Variants in DAO observed in about 807,000 individuals in gnomAD.
The protein encoded by DAO is D-amino acid oxidase.
In DAO, 51 loss-of-function variants were observed where a neutral mutation model predicts 50.1. The observed-to-expected ratio is 1.02, with a 90% CI of 0.81 to 1.29. The LOEUF (loss-of-function observed/expected upper bound fraction) is 1.29. Among genes scored for constraint, DAO ranks in the 50% most tolerant of loss-of-function variants. DAO has a pLI of 0.00. For synonymous variants in DAO, 160 were observed against 166.2 expected (o/e 0.96, Z 0.29); for missense variants, 436 against 439.4 (o/e 0.99, Z 0.07).
chr12:108,889,278 GTAT>G (rs541521326), intron 3 of DAO, among the ~76,000 whole-genome samples, 188 bp from the exon 4 acceptor site: 148 of 152,056 alleles, frequency 9.7e-4, no homozygotes, highest in African/African-American at 3.4e-3. Flanking sequence ...GCTAATTTTT[GTAT>G]TATTATTTAG....
At chr12:108,888,320 C>T (rs1465190950) in intron 3 of DAO, among the ~76,000 whole-genome samples, 1 of 150,892 alleles carries the variant, frequency 6.6e-6, no homozygotes, top group Non-Finnish European at 1.5e-5. Context: ...TTATCTGTTA[C>T]CTTTCATGGG....
chr12:108,899,731 G>A lies in DAO; in HGVS notation c.912+256G>A, dbSNP rs1367495235. Reference sequence around the variant, plus strand: ...GCTGATGAGATCAATGTTGATAATGGTGTGACTGGGAGTGGGGATGGTAGC... The same window carrying A: ...GCTGATGAGATCAATGTTGATAATGATGTGACTGGGAGTGGGGATGGTAGC... On this transcript the variant is annotated intron_variant, in intron 10 of 10. Coordinates refer to ENST00000228476, the MANE Select transcript of DAO (RefSeq NM_001917.5). 2.1e-5 allele frequency: 11 copies of A among 526,696 alleles called. No homozygotes were observed. In the East Asian group the frequency reaches 3.4e-4, roughly 16 times the overall value. The allele number at this position is 526,696 out of a possible 1,614,324, so 32.6% of individuals were successfully genotyped here.
At chr12:108,894,528 C>T (rs187271060) in intron 7 of DAO, among the ~76,000 whole-genome samples, 161 bp downstream of exon 7, 5 of 152,290 alleles carry the variant, frequency 3.3e-5, no homozygotes, top group Non-Finnish European at 5.9e-5. Flanking sequence ...GTCCCACCCC[C>T]ATTGCTCTCT....
chr12:108,892,004 C>T (rs535267291), intron 5 of DAO, among the ~76,000 whole-genome samples: 3 of 152,184 alleles, frequency 2.0e-5, no homozygotes, highest in African/African-American at 7.2e-5. Flanking sequence ...GGACACATGA[C>T]CCTTGTCCAG....
At chr12:108,883,335 A>G (rs997507631) in intron 1 of DAO, among the ~76,000 whole-genome samples, 16 of 152,096 alleles carry the variant, frequency 1.1e-4, no homozygotes, top group Non-Finnish European at 2.9e-5. Flanking sequence ...TTCAGTAGAG[A>G]TGGGGTTTCA....
chr12:108,890,216 G>T lies in DAO; in HGVS notation c.395G>T (p.Trp132Leu). 1 of 1,612,718 alleles carries T rather than the reference G, an allele frequency of 6.2e-7. No individual in the cohort carries two copies. The highest frequency in any genetic ancestry group is 8.5e-7 in the Non-Finnish European group (1 of 1,178,770). The change falls in exon 5 of 11, where the codon TGG becomes TTG. Residue 132 changes from tryptophan to leucine, a missense_variant. Physicochemically the swap from Trp to Leu is moderately conservative, Grantham distance 61. Transcript: ENST00000228476. ...GCTTACTGTGACTCTAGCTATGGCTGGTTCCACACAAGCCTAATTCTGGAG... is the reference window on the plus strand; with the variant it reads ...GCTTACTGTGACTCTAGCTATGGCTTGTTCCACACAAGCCTAATTCTGGAG... ...LDMFPDYGYGWFHTSLILEGK... is the reference protein window; with the variant it reads ...LDMFPDYGYGLFHTSLILEGK...
rs140623757 is a variant in DAO at position 108,885,478 on chromosome 12, C to T, written c.194+278C>T. Among the ~76,000 whole-genome samples the T allele has an allele frequency of 2.4e-3, 361 of 152,114 alleles. 1 individual carries two copies. The highest frequency in any genetic ancestry group is 8.1e-3 in the African/African-American group (338 of 41,480). ...ACAAAAAATTAGCCGGGCATGGTGG[C>T]GCACACCTGTAATCCCAGCTACTCG... On this transcript the variant is annotated intron_variant, in intron 2 of 10. Coordinates refer to ENST00000228476, the MANE Select transcript of DAO (RefSeq NM_001917.5).
intron 8 of DAO, 105 bp from the exon 9 acceptor site, chr12:108,898,574 G>T: frequency 1.2e-6 from 1 of 809,710 alleles, no homozygotes. Context: ...TTGAGGTAGT[G>T]ATGGTGGTGG....
rs573334860 is a variant in DAO at position 108,880,103 on chromosome 12, C to T, written c.-131C>T. ...CAGACTTTGACCCTGCACTCCAGTC[C>T]GGGCTGGCGGACAGAGGGCTGGAAA... On this transcript the variant is annotated 5_prime_UTR_variant, in exon 1 of 11. Transcript: ENST00000228476. The T allele has an allele frequency of 3.1e-5, 14 of 456,672 alleles. No homozygotes were observed. The highest frequency in any genetic ancestry group is 4.7e-5 in the Admixed American group (2 of 42,572). 28.3% of individuals were successfully genotyped at this position (456,672 alleles called of 1,614,324 possible).
chr12:108,900,887 G>A lies in DAO; in HGVS notation c.*352G>A, dbSNP rs908456410. The A allele has an allele frequency of 4.1e-5, 13 of 314,358 alleles. No individual in the cohort carries two copies. In the Admixed American group the frequency reaches 5.6e-4, roughly 14 times the overall value. The allele number at this position is 314,358 out of a possible 1,614,324, so 19.5% of individuals were successfully genotyped here. A position where few individuals can be genotyped will look rare whatever the true frequency, so the allele number is the denominator to read the frequency against. ...AGGCTAAGTAACCTGATTACAAGTT[G>A]TACTAACATATTAAAGGTTCTGAAA... On this transcript the variant is annotated 3_prime_UTR_variant, in exon 11 of 11. Transcript: ENST00000228476.
In DAO at chr12:108,893,108, C is replaced by T. The variant is rs371616735; in HGVS notation, c.507+72C>T. 957 of 1,406,022 alleles carry T rather than the reference C, an allele frequency of 6.8e-4. 2 individuals carry two copies. Among genetic ancestry groups the T allele is most frequent in the Non-Finnish European group, 9.1e-4 (911 of 1,003,024 alleles). 87.1% of individuals were successfully genotyped at this position (1,406,022 alleles called of 1,614,324 possible). Reference sequence around the variant, plus strand: ...AGGCCTCTGCTTCTTGCTGCTGAGTCGGGGGCTCCCTTCTCAGGCTCCTAG... The same window carrying T: ...AGGCCTCTGCTTCTTGCTGCTGAGTTGGGGGCTCCCTTCTCAGGCTCCTAG... On this transcript the variant is annotated intron_variant, in intron 6 of 10. Transcript: ENST00000228476.
At chr12:108,895,192 G>A (rs571286638) in intron 7 of DAO, among the ~76,000 whole-genome samples, 1 of 142,884 alleles carries the variant, frequency 7.0e-6, no homozygotes, top group East Asian at 1.9e-4. Context: ...TGGCTTAAGA[G>A]CCTGTGCGTG....
intron 5 of DAO, among the ~76,000 whole-genome samples, chr12:108,892,053 A>T (rs569410725): frequency 5.9e-5 from 9 of 151,802 alleles, no homozygotes; most frequent in Admixed American, 1.3e-4. Flanking sequence ...ATGTTTTTCT[A>T]TCTTGAGGAA....
At chr12:108,892,559 C>T (rs550821165) in intron 5 of DAO, among the ~76,000 whole-genome samples, 3 of 152,268 alleles carry the variant, frequency 2.0e-5, no homozygotes, top group Admixed American at 6.5e-5. Context: ...TCCTCATGCC[C>T]GGCTTCTGAC....
chr12:108,889,724 C>A (rs925998216), intron 4 of DAO, among the ~76,000 whole-genome samples, 179 bp downstream of exon 4: 1 of 152,132 alleles, frequency 6.6e-6, no homozygotes, highest in Non-Finnish European at 1.5e-5. Context: ...TGGCCTTGGG[C>A]TGGGAAGGTA....
chr12:108,895,743 G>A (rs1230201650), intron 7 of DAO, among the ~76,000 whole-genome samples: 1 of 151,208 alleles, frequency 6.6e-6, no homozygotes, highest in Non-Finnish European at 1.5e-5. Context: ...GGGTGTGTGT[G>A]TGCATGTGTG....
chr12:108,898,895 G>A (rs2039592127), intron 9 of DAO, 99 bp downstream of exon 9: 1 of 784,520 alleles, frequency 1.3e-6, no homozygotes. Context: ...GGGATAACTG[G>A]GCAAATTAAT....
Position 108,900,504 on chromosome 12 carries a change from A to C in DAO, c.1013A>C (p.Lys338Thr). ...TTTGGGAGAATCCTGGAAGAAAAGAAATTGTCCAGAATGCCACCATCCCAC... is the reference window on the plus strand; with the variant it reads ...TTTGGGAGAATCCTGGAAGAAAAGACATTGTCCAGAATGCCACCATCCCAC... Reference protein sequence around the residue: ...KLFGRILEEKKLSRMPPSHL With the variant: ...KLFGRILEEKTLSRMPPSHL The change falls in exon 11 of 11, where the codon AAA (lysine) becomes ACA (threonine). Residue 338 changes from lysine to threonine, a missense_variant. Coordinates refer to ENST00000228476, the MANE Select transcript of DAO (RefSeq NM_001917.5). 1.2e-6 allele frequency: 2 copies of C among 1,614,086 alleles called. No homozygotes were observed. The highest frequency in any genetic ancestry group is 1.7e-6 in the Non-Finnish European group (2 of 1,179,968).
chr12:108,881,474 A>AACAC (rs59694062), intron 1 of DAO, among the ~76,000 whole-genome samples: 8,011 of 138,468 alleles, frequency 0.058, 351 homozygotes, highest in African/African-American at 0.12. Context: ...TGTATTTTAA[A>AACAC]ACACACACAC....
Sources: allele counts gnomAD v4.1 joint callset (sites outside exome capture counted in the v4.1 genomes callset), GRCh38; gene constraint gnomAD v4.1.1; transcripts MANE v1.5; gene names NCBI Gene and HGNC (gene_info 2026-07-23, HGNC 2026-07-21).